The following PPM1H variants were observed in gnomAD, a reference collection of about 807,000 sequenced individuals.
PPM1H encodes the protein protein phosphatase 1H.
A neutral mutation model predicts 54.9 loss-of-function variants in PPM1H; 27 were observed. The ratio of observed to expected loss-of-function variants is 0.49; its 90% CI spans 0.36 to 0.68. The LOEUF (loss-of-function observed/expected upper bound fraction) is 0.68. PPM1H is among the 30% of genes least tolerant of loss of function. The pLI is 0.00. For synonymous variants in PPM1H, 305 were observed against 270.8 expected (o/e 1.13, Z -1.24); for missense variants, 596 against 667.8 (o/e 0.89, Z 1.19).
chr12:62,706,724 T>C (rs1044922926), intron 6 of PPM1H, among the ~76,000 whole-genome samples: 1 of 152,136 alleles, frequency 6.6e-6, no homozygotes, highest in Admixed American at 6.5e-5. Flanking sequence ...TAACCACGCT[T>C]CTCTGTGCCT....
intron 8 of PPM1H, among the ~76,000 whole-genome samples, chr12:62,684,835 C>A (rs568103373): frequency 1.3e-5 from 2 of 152,200 alleles, no homozygotes; most frequent in South Asian, 2.1e-4. Context: ...ATCGAGCTTT[C>A]TAGGCTCCCA....
At chr12:62,908,659 C>A (rs186814398) in intron 1 of PPM1H, among the ~76,000 whole-genome samples, 9 of 152,072 alleles carry the variant, frequency 5.9e-5, no homozygotes, top group African/African-American at 2.2e-4. Context: ...TGCAACCACC[C>A]GAAGGAATGG....
At chr12:62,649,690 T>C (rs1254688132) in intron 9 of PPM1H, among the ~76,000 whole-genome samples, 1 of 152,236 alleles carries the variant, frequency 6.6e-6, no homozygotes, top group African/African-American at 2.4e-5. Context: ...GATTATGATC[T>C]GCCTCCCTGT....
At chr12:62,820,590 G>T (rs994453801) in intron 2 of PPM1H, among the ~76,000 whole-genome samples, 1 of 152,148 alleles carries the variant, frequency 6.6e-6, no homozygotes, top group Non-Finnish European at 1.5e-5. Context: ...GCAATATTGC[G>T]GTTCTGCAGC....
intron 1 of PPM1H, among the ~76,000 whole-genome samples, chr12:62,870,894 A>G (rs1161507257): frequency 1.3e-5 from 2 of 152,258 alleles, no homozygotes; most frequent in African/African-American, 4.8e-5. Flanking sequence ...GCTGGGTATT[A>G]TAAAAAAAGA....
chr12:62,764,501 A>G (rs2076529359), intron 4 of PPM1H, among the ~76,000 whole-genome samples: 2 of 152,228 alleles, frequency 1.3e-5, no homozygotes, highest in South Asian at 4.1e-4. Flanking sequence ...AAGGTCTCAA[A>G]TTAAATCCAT....
chr12:62,867,743 AT>A (rs5798662), intron 1 of PPM1H, among the ~76,000 whole-genome samples: 89,849 of 145,798 alleles, frequency 0.62, 28,428 homozygotes, highest in African/African-American at 0.78. Flanking sequence ...ACACCTGGCT[AT>A]TTTTTTTTTT....
chr12:62,877,371 T>C (rs531546358), intron 1 of PPM1H, among the ~76,000 whole-genome samples: 35 of 152,274 alleles, frequency 2.3e-4, no homozygotes, highest in African/African-American at 7.2e-4. Context: ...TCTGCAGAGA[T>C]TGGGGGCCCC....
chr12:62,813,356 G>A (rs924698240), intron 2 of PPM1H, among the ~76,000 whole-genome samples: 2 of 129,354 alleles, frequency 1.5e-5, no homozygotes, highest in Admixed American at 7.4e-5. Flanking sequence ...GGAATTGGTC[G>A]GCGTGTAAGA....
chr12:62,902,323 C>T lies in PPM1H; in HGVS notation c.245+32169G>A, dbSNP rs926210537. ...GAGCCGAGATCGCACCATTGCACTGCAGCCTGGGCAAAAGAGCAAGACTCC... is the reference window on the plus strand; with the variant it reads ...GAGCCGAGATCGCACCATTGCACTGTAGCCTGGGCAAAAGAGCAAGACTCC... On this transcript the variant is annotated intron_variant, in intron 1 of 9. Coordinates refer to ENST00000228705, the MANE Select transcript of PPM1H (RefSeq NM_020700.2). Among the ~76,000 whole-genome samples the T allele has an allele frequency of 9.2e-5, 14 of 152,010 alleles. No homozygotes were observed. In the East Asian group the frequency reaches 1.5e-3, roughly 17 times the overall value.
At chr12:62,818,821 CTTTTTT>C (rs771501305) in intron 2 of PPM1H, among the ~76,000 whole-genome samples, 8 of 135,822 alleles carry the variant, frequency 5.9e-5, no homozygotes, top group African/African-American at 1.9e-4. Flanking sequence ...TTTTCTTTTT[CTTTTTT>C]TTTTTTTTTT....
chr12:62,755,080 C>T (rs1481879401), intron 4 of PPM1H: 13 of 353,440 alleles, frequency 3.7e-5, no homozygotes, highest in Non-Finnish European at 6.0e-5. Context: ...AGCCAGTGAT[C>T]GTCTTTGGAT....
chr12:62,909,435 C>G (rs965921159), intron 1 of PPM1H, among the ~76,000 whole-genome samples: 5 of 152,124 alleles, frequency 3.3e-5, no homozygotes, highest in African/African-American at 1.2e-4. Flanking sequence ...TCCTATCTCC[C>G]TCTCCTTTGT....
At chr12:62,740,203 C>T (rs1044274372) in intron 4 of PPM1H, among the ~76,000 whole-genome samples, 1 of 152,202 alleles carries the variant, frequency 6.6e-6, no homozygotes, top group South Asian at 2.1e-4. Flanking sequence ...TCTACTCCCT[C>T]GCCTCCCATG....
At chr12:62,698,967 A>G (rs967378888) in intron 6 of PPM1H, among the ~76,000 whole-genome samples, 5 of 152,166 alleles carry the variant, frequency 3.3e-5, no homozygotes, top group African/African-American at 1.2e-4. Flanking sequence ...TCAGCTGTCT[A>G]TGCTATATCA....
At chr12:62,779,025 C>A (rs1164948821) in intron 4 of PPM1H, among the ~76,000 whole-genome samples, 2 of 150,588 alleles carry the variant, frequency 1.3e-5, no homozygotes, top group African/African-American at 2.5e-5. Context: ...CATAATATTT[C>A]TTTTTGTTTG....
chr12:62,738,716 C>T (rs1383234561), intron 4 of PPM1H, among the ~76,000 whole-genome samples: 1 of 152,064 alleles, frequency 6.6e-6, no homozygotes, highest in Non-Finnish European at 1.5e-5. Context: ...GAGCTAGAGA[C>T]CTGAGACCTG....
intron 1 of PPM1H, among the ~76,000 whole-genome samples, chr12:62,852,031 C>A (rs961696641): frequency 2.6e-5 from 4 of 151,570 alleles, no homozygotes; most frequent in African/African-American, 9.7e-5. Context: ...GGGTTCGAGA[C>A]CAGCCTGACC....
intron 4 of PPM1H, among the ~76,000 whole-genome samples, chr12:62,754,121 C>T (rs1320439204): frequency 6.6e-6 from 1 of 152,174 alleles, no homozygotes; most frequent in Non-Finnish European, 1.5e-5. Context: ...AAAAATGAGG[C>T]TGTCACAGTA....
Sources: allele counts gnomAD v4.1 joint callset (sites outside exome capture counted in the v4.1 genomes callset), GRCh38; gene constraint gnomAD v4.1.1; transcripts MANE v1.5; gene names NCBI Gene and HGNC (gene_info 2026-07-23, HGNC 2026-07-21).